The following TAF3 variants were observed in gnomAD, a reference collection of about 807,000 sequenced individuals.
The protein encoded by TAF3 is transcription initiation factor TFIID subunit 3.
In TAF3, 7 loss-of-function variants were observed where a neutral mutation model predicts 80.6. The observed-to-expected ratio is 0.09, with a 90% CI of 0.05 to 0.16. TAF3 has a LOEUF of 0.16. Ranked by LOEUF, TAF3 falls within the 10% of genes least tolerant of loss-of-function variation. The probability of loss-of-function intolerance (pLI) is 1.00; values close to 1 mark genes in which losing one functional copy is unlikely to be tolerated. For missense variants in TAF3, 921 were observed against 1,140.2 expected (o/e 0.81, Z 2.77); for synonymous variants, 444 against 446.1 (o/e 1.00, Z 0.06).
At chr10:7,932,744 C>A (rs958813087) in intron 2 of TAF3, among the ~76,000 whole-genome samples, 1 of 134,702 alleles carries the variant, frequency 7.4e-6, no homozygotes, top group Non-Finnish European at 1.5e-5. Context: ...GTGGCACAGT[C>A]GTGGCTGACT....
chr10:7,861,138 G>A (rs1837141721), intron 2 of TAF3, among the ~76,000 whole-genome samples: 2 of 151,942 alleles, frequency 1.3e-5, no homozygotes, highest in African/African-American at 4.8e-5. Flanking sequence ...ATTTTTTTTT[G>A]TATGTTTAGT....
intron 2 of TAF3, among the ~76,000 whole-genome samples, chr10:7,871,887 C>A (rs573113382): frequency 6.6e-5 from 10 of 152,224 alleles, no homozygotes; most frequent in African/African-American, 2.4e-4. Context: ...CCAAATATTT[C>A]TAATATTTGT....
intron 2 of TAF3, among the ~76,000 whole-genome samples, chr10:7,832,783 C>G (rs960661112): frequency 1.3e-5 from 2 of 152,180 alleles, no homozygotes; most frequent in Admixed American, 6.5e-5. Flanking sequence ...CCCCTGGCCT[C>G]AAGTGATCTG....
At chr10:7,983,876 A>T (rs1052903004) in intron 4 of TAF3, among the ~76,000 whole-genome samples, 1 of 151,244 alleles carries the variant, frequency 6.6e-6, no homozygotes, top group East Asian at 1.9e-4. Flanking sequence ...ATAAATTTTT[A>T]AAAAGCAAAA....
At chr10:7,975,038 C>G (rs1297467164) in intron 3 of TAF3, 4 of 215,670 alleles carry the variant, frequency 1.9e-5, no homozygotes, top group South Asian at 1.2e-4. Context: ...TGCCACTGCA[C>G]TCCAGCCTGG....
intron 4 of TAF3, among the ~76,000 whole-genome samples, chr10:7,992,747 A>G (rs1048120984): frequency 1.3e-5 from 2 of 152,206 alleles, no homozygotes; most frequent in African/African-American, 4.8e-5. Context: ...TTGAACGCAT[A>G]TTACCAACTT....
intron 4 of TAF3, among the ~76,000 whole-genome samples, chr10:7,998,241 CTATATATATATATATATATATATGTATA>C (rs1195884804): frequency 4.5e-5 from 6 of 134,436 alleles, no homozygotes; most frequent in Non-Finnish European, 9.5e-5. Flanking sequence ...TGAGTGAGAA[CTATATATATATATATATATATATGTATA>C]TATATATATA....
chr10:7,979,130 G>A (rs1831700243), intron 4 of TAF3, among the ~76,000 whole-genome samples: 1 of 151,982 alleles, frequency 6.6e-6, no homozygotes, highest in African/African-American at 2.4e-5. Flanking sequence ...GGATCACAAG[G>A]TCAGGAGATC....
chr10:7,922,874 C>T (rs570563746), intron 2 of TAF3, among the ~76,000 whole-genome samples: 6 of 152,114 alleles, frequency 3.9e-5, no homozygotes, highest in Admixed American at 2.6e-4. Flanking sequence ...AGTTAAAATG[C>T]ATAATTGGAG....
intron 2 of TAF3, among the ~76,000 whole-genome samples, chr10:7,879,944 C>A (rs556728249): frequency 6.6e-6 from 1 of 152,200 alleles, no homozygotes; most frequent in African/African-American, 2.4e-5. Flanking sequence ...CACGATGGGT[C>A]ACAACAGTAA....
chr10:7,953,569 T>G (rs1838104620), intron 2 of TAF3, among the ~76,000 whole-genome samples: 1 of 152,156 alleles, frequency 6.6e-6, no homozygotes. Context: ...GTCATTTCAG[T>G]TAGGTTCCCT....
chr10:7,879,037 A>C (rs940021504), intron 2 of TAF3, among the ~76,000 whole-genome samples: 1 of 152,160 alleles, frequency 6.6e-6, no homozygotes, highest in Non-Finnish European at 1.5e-5. Flanking sequence ...AAATTCAACC[A>C]ATTTAGTGTT....
chr10:7,962,721 T>C (rs903346061), intron 2 of TAF3, among the ~76,000 whole-genome samples: 6 of 152,226 alleles, frequency 3.9e-5, no homozygotes, highest in African/African-American at 1.2e-4. Flanking sequence ...TTGACCTCGC[T>C]GAGATCTGTC....
chr10:7,822,668 T>A (rs1240343299), intron 1 of TAF3, among the ~76,000 whole-genome samples: 8 of 152,190 alleles, frequency 5.3e-5, no homozygotes, highest in African/African-American at 1.9e-4. Context: ...AATATTTGGA[T>A]TCTTTTTCAT....
chr10:7,875,572 A>G (rs535326298), intron 2 of TAF3, among the ~76,000 whole-genome samples: 4 of 152,236 alleles, frequency 2.6e-5, no homozygotes, highest in Admixed American at 2.6e-4. Context: ...GTTGGCCTCC[A>G]GTTGAAAAGT....
At chr10:7,886,885 C>T (rs914383396) in intron 2 of TAF3, among the ~76,000 whole-genome samples, 1 of 152,156 alleles carries the variant, frequency 6.6e-6, no homozygotes, top group African/African-American at 2.4e-5. Flanking sequence ...AATACCATCT[C>T]TAAGAGTATC....
chr10:7,965,476 T>A lies in TAF3; in HGVS notation c.1966T>A (p.Leu656Met), dbSNP rs192449485. The A allele has an allele frequency of 6.2e-7, 1 of 1,611,262 alleles. No individual in the cohort carries two copies. Among genetic ancestry groups the A allele is most frequent in the Admixed American group, 1.7e-5 (1 of 59,274 alleles). ...GAAAGCCCCAGCACCCCCACTGGTG[T>A]TGCCCCCAAAAGAGTTGGCCCTGCC... is the stretch of plus-strand genomic sequence containing the variant. Reference protein sequence around the residue: ...KMKAPAPPLVLPPKELALPLF... With the variant: ...KMKAPAPPLVMPPKELALPLF... Residue 656 changes from leucine to methionine, a missense_variant, in exon 3 of 7, where the codon TTG becomes ATG. By Grantham distance (15) the Leu-to-Met change is conservative. Coordinates refer to ENST00000344293, the MANE Select transcript of TAF3 (RefSeq NM_031923.4).
At position 8,009,421 on chromosome 10, in the gene TAF3, T is replaced by C; in HGVS notation, c.2568+91T>C. On this transcript the variant is annotated intron_variant, in intron 5 of 6. Coordinates refer to ENST00000344293, the MANE Select transcript of TAF3 (RefSeq NM_031923.4). This position sits in a 1 kb window ranked among gnomAD's most constrained non-coding sequence, Gnocchi z 4.1. Reference sequence around the variant, plus strand: ...GAATCACTATCGAATTTCAGACGCATTTCTCTTCAAAATTTTATTATTTAC... The same window carrying C: ...GAATCACTATCGAATTTCAGACGCACTTCTCTTCAAAATTTTATTATTTAC... 7.0e-7 allele frequency: 1 copy of C among 1,434,640 alleles called. No homozygotes were observed. Among genetic ancestry groups the C allele is most frequent in the Middle Eastern group, 2.6e-4 (1 of 3,864 alleles). The allele number at this position is 1,434,640 out of a possible 1,614,324, so 88.9% of individuals were successfully genotyped here. A position where few individuals can be genotyped will look rare whatever the true frequency, so the allele number is the denominator to read the frequency against.
chr10:7,946,648 A>T (rs1564368995), intron 2 of TAF3, among the ~76,000 whole-genome samples: 1 of 152,136 alleles, frequency 6.6e-6, no homozygotes, highest in African/African-American at 2.4e-5. Flanking sequence ...ACTTGGACCC[A>T]GGAGGTGGAG....
Sources: allele counts gnomAD v4.1 joint callset (sites outside exome capture counted in the v4.1 genomes callset), GRCh38; gene constraint gnomAD v4.1.1; non-coding constraint Gnocchi (gnomAD v3.1); transcripts MANE v1.5; gene names NCBI Gene and HGNC (gene_info 2026-07-23, HGNC 2026-07-21).